Variants in HEXB observed in about 807,000 individuals in gnomAD.
HEXB encodes beta-hexosaminidase subunit beta.
In HEXB, 51 loss-of-function variants were observed where a neutral mutation model predicts 71.2. That is an observed-to-expected ratio of 0.72 (90% CI 0.57 to 0.90). HEXB has a LOEUF of 0.90. Among genes scored for constraint, HEXB ranks in the 40% least tolerant of loss-of-function variants. HEXB has a pLI of 0.00. For synonymous variants in HEXB, 266 were observed against 249.3 expected (o/e 1.07, Z -0.63); for missense variants, 617 against 677.0 (o/e 0.91, Z 0.98).
In HEXB at chr5:74,696,791, G is replaced by GA. The variant is rs753024902; in HGVS notation, c.558+59dup. 1.4e-4 allele frequency: 129 copies of GA among 938,410 alleles called. 1 individual carries two copies. In the South Asian group the frequency reaches 1.7e-3, roughly 12 times the overall value. The allele number at this position is 938,410 out of a possible 1,614,324, so 58.1% of individuals were successfully genotyped here. A position where few individuals can be genotyped will look rare whatever the true frequency, so the allele number is the denominator to read the frequency against. On this transcript the variant is annotated intron_variant, in intron 4 of 13. Transcript: ENST00000261416. ...AAAATTGTTAGACAAATTGCTAATA[G>GA]AAAAAAATGTAACCTGTTTAGCTAT...
chr5:74,682,837 T>A (rs1748764068), upstream of HEXB, among the ~76,000 whole-genome samples: 1 of 152,164 alleles, frequency 6.6e-6, no homozygotes. Context: ...CCTTTCCTCA[T>A]CCATCATGAG....
chr5:74,716,563 A>G (rs1275847562), intron 8 of HEXB, 24 bp from the exon 9 acceptor site: 4 of 1,473,432 alleles, frequency 2.7e-6, no homozygotes, highest in Non-Finnish European at 3.8e-6. Context: ...CTTCTAATGA[A>G]ATTTTAATCA....
At chr5:74,678,201 G>A (rs1010795318) in intron 1 of HEXB, among the ~76,000 whole-genome samples, 2 of 152,072 alleles carry the variant, frequency 1.3e-5, no homozygotes, top group African/African-American at 4.8e-5. Context: ...GGGAGGCTGA[G>A]GCAGGAGAAT....
At chr5:74,702,118 G>T (rs1233608677) in intron 5 of HEXB, among the ~76,000 whole-genome samples, 2 of 101,736 alleles carry the variant, frequency 2.0e-5, no homozygotes, top group Non-Finnish European at 3.5e-5. Flanking sequence ...TCGCTCTGTC[G>T]CCCAGGCTGG....
At chr5:74,660,326 G>T (rs1020050209) in intron 1 of HEXB, among the ~76,000 whole-genome samples, 1 of 152,234 alleles carries the variant, frequency 6.6e-6, no homozygotes, top group Admixed American at 6.5e-5. Context: ...TTTTAATGAG[G>T]AGTAGCTGTG....
chr5:74,652,954 T>C lies in HEXB; in HGVS notation c.-377+12396T>C, dbSNP rs1168172210. 6.6e-6 allele frequency among the ~76,000 whole-genome samples: 1 copy of C among 152,254 alleles called. No individual in the cohort carries two copies. Among genetic ancestry groups the C allele is most frequent in the Non-Finnish European group, 1.5e-5 (1 of 68,042 alleles). Reference sequence around the variant, plus strand: ...TAATGCCCTCTTTGCTTTACTGAAATGGAATTTATAGATAATAGACTCTAT... The same window carrying C: ...TAATGCCCTCTTTGCTTTACTGAAACGGAATTTATAGATAATAGACTCTAT... On this transcript the variant is annotated intron_variant, in intron 1 of 13. Coordinates refer to the HEXB transcript ENST00000511181. This position sits in a 1 kb window ranked among gnomAD's most constrained non-coding sequence, Gnocchi z 5.4.
chr5:74,702,609 G>C (rs773514983), intron 5 of HEXB, among the ~76,000 whole-genome samples: 2 of 152,130 alleles, frequency 1.3e-5, no homozygotes, highest in Non-Finnish European at 2.9e-5. Context: ...CATCTGCCAG[G>C]TTTCTCCACT....
At chr5:74,706,592 C>T (rs569510185) in intron 6 of HEXB, among the ~76,000 whole-genome samples, 14 of 152,298 alleles carry the variant, frequency 9.2e-5, no homozygotes, top group African/African-American at 1.9e-4. Context: ...CACTCCCACC[C>T]GAATACTGTG....
intron 5 of HEXB, 34 bp from the exon 6 acceptor site, chr5:74,705,185 G>A (rs775201187): frequency 8.7e-7 from 1 of 1,145,076 alleles, no homozygotes; most frequent in South Asian, 1.2e-5. Context: ...TATGATATCT[G>A]CAGTAAATAA....
intron 1 of HEXB, among the ~76,000 whole-genome samples, chr5:74,659,289 G>A (rs537396639): frequency 6.6e-6 from 1 of 152,306 alleles, no homozygotes; most frequent in East Asian, 1.9e-4. Context: ...AGAACATGCA[G>A]TGCCTGATTT....
At chr5:74,674,690 A>G (rs1748600948) in intron 1 of HEXB, among the ~76,000 whole-genome samples, 1 of 152,112 alleles carries the variant, frequency 6.6e-6, no homozygotes, top group East Asian at 1.9e-4. Flanking sequence ...ACAGAATGAG[A>G]AAAATAAGAA....
rs1484597962 is a variant in HEXB, at chr5:74,685,260, C to T, written c.-1C>T. The T allele has an allele frequency of 6.6e-7, 1 of 1,526,020 alleles. No homozygotes were observed. Among genetic ancestry groups the T allele is most frequent in the Admixed American group, 2.0e-5 (1 of 50,106 alleles). The allele number at this position is 1,526,020 out of a possible 1,614,324, so 94.5% of individuals were successfully genotyped here. ...ACCGGGCGGAAAGCAGCCGAGCGGC[C>T]ATGGAGCTGTGCGGGCTGGGGCTGC... On this transcript the variant is annotated 5_prime_UTR_variant, in exon 1 of 14. Transcript: ENST00000261416.
At position 74,685,373 on chromosome 5, in the gene HEXB, A is replaced by C. The variant is rs923752671; in HGVS notation, c.113A>C (p.Gln38Pro). Residue 38 changes from glutamine to proline, a missense_variant, in exon 1 of 14, where the codon CAG (glutamine) becomes CCG (proline). Coordinates refer to ENST00000261416, the MANE Select transcript of HEXB (RefSeq NM_000521.4). ...CTGACTCAGGTGGCGCTGGTGGTGC[A>C]GGTGGCGGAGGCGGCTCGGGCCCCG... is the stretch of plus-strand genomic sequence containing the variant. ...ALLTQVALVV[Q>P]VAEAARAPSV... 1.3e-6 allele frequency: 2 copies of C among 1,588,974 alleles called. No individual in the cohort carries two copies. The highest frequency in any genetic ancestry group is 1.4e-5 in the African/African-American group (1 of 73,730).
At chr5:74,706,568 C>G (rs1749396429) in intron 6 of HEXB, among the ~76,000 whole-genome samples, 1 of 152,154 alleles carries the variant, frequency 6.6e-6, no homozygotes, top group Non-Finnish European at 1.5e-5. Flanking sequence ...CACACGGCAC[C>G]GGGAAAATCG....
chr5:74,707,244 AG>A (rs1326426599), intron 6 of HEXB, among the ~76,000 whole-genome samples: 2 of 152,234 alleles, frequency 1.3e-5, no homozygotes, highest in Non-Finnish European at 2.9e-5. Flanking sequence ...GTCTGTTAGA[AG>A]GAAAACTAAC....
intron 1 of HEXB, among the ~76,000 whole-genome samples, chr5:74,642,382 G>T (rs995003387): frequency 2.6e-5 from 4 of 152,158 alleles, no homozygotes; most frequent in Non-Finnish European, 4.4e-5. Context: ...GAGAGGGCTG[G>T]CAAGCAGCAC....
rs185169820 is a variant in HEXB, at chr5:74,692,911, G to A, written c.446-728G>A. On this transcript the variant is annotated intron_variant, in intron 2 of 13. Coordinates refer to ENST00000261416, the MANE Select transcript of HEXB (RefSeq NM_000521.4). ...CTAAATGACTATTGGGCCAACCTTA[G>A]AGTGTGCTTCAAAGATTGAAAGATT... Among the ~76,000 whole-genome samples, 1,127 of 152,338 alleles carry A rather than the reference G, an allele frequency of 7.4e-3. 8 individuals are homozygous for A. Among genetic ancestry groups the A allele is most frequent in the Non-Finnish European group, 0.011 (767 of 68,040 alleles).
rs147752324 is a variant in HEXB, at chr5:74,652,414, G to T, written c.-377+11856G>T. ...AGCCACTCCTGAATACACAGTAGCCGTTTGCCTTCATGTATTTGCTTAATC... is the reference window on the plus strand; with the variant it reads ...AGCCACTCCTGAATACACAGTAGCCTTTTGCCTTCATGTATTTGCTTAATC... On this transcript the variant is annotated intron_variant, in intron 1 of 13. Coordinates refer to the HEXB transcript ENST00000511181. The surrounding 1 kb of genome is among the most constrained non-coding windows in gnomAD (Gnocchi z 5.4). Among the ~76,000 whole-genome samples the T allele has an allele frequency of 1.3e-5, 2 of 152,192 alleles. No homozygotes were observed. The highest frequency in any genetic ancestry group is 4.8e-5 in the African/African-American group (2 of 41,448).
At chr5:74,697,945 CT>C (rs917740292) in intron 5 of HEXB, among the ~76,000 whole-genome samples, 22 of 151,532 alleles carry the variant, frequency 1.5e-4, no homozygotes, top group East Asian at 1.9e-4. Flanking sequence ...CTCCTATGGG[CT>C]TTTTTTTATT....
Sources: gnomAD v4.1 joint callset for allele counts (sites outside exome capture counted in the v4.1 genomes callset) on GRCh38, gnomAD v4.1.1 for gene constraint, Gnocchi (gnomAD v3.1) non-coding constraint, MANE v1.5 for transcripts, NCBI Gene and HGNC (gene_info 2026-07-23, HGNC 2026-07-21) for gene names.